Variants in SNAP91 observed in about 807,000 individuals in gnomAD.
SNAP91 encodes synaptosome associated protein 91.
In SNAP91, 27 loss-of-function variants were observed where a neutral mutation model predicts 100.3. The ratio of observed to expected loss-of-function variants is 0.27; its 90% CI spans 0.20 to 0.37. The LOEUF (loss-of-function observed/expected upper bound fraction) is 0.37. Among genes scored for constraint, SNAP91 ranks in the 10% least tolerant of loss-of-function variants. SNAP91 has a pLI of 1.00. For missense variants in SNAP91, 986 were observed against 1,123.7 expected, an observed-to-expected ratio of 0.88 and a Z score of 1.75; for synonymous variants, 404 against 398.6, an observed-to-expected ratio of 1.01 and a Z score of -0.16.
chr6:83,588,345 G>A (rs1423568310), intron 22 of SNAP91, among the ~76,000 whole-genome samples: 1 of 152,170 alleles, frequency 6.6e-6, no homozygotes, highest in Admixed American at 6.5e-5. Flanking sequence ...CACTGAAAGA[G>A]TCACAAGAAG....
intron 11 of SNAP91, chr6:83,611,448 C>G: frequency 2.2e-6 from 1 of 455,996 alleles, no homozygotes; most frequent in Non-Finnish European, 4.4e-6. Context: ...ATTTTACTAA[C>G]TTCAGTTAGT....
chr6:83,697,337 C>CAA (rs1308837612), intron 2 of SNAP91, among the ~76,000 whole-genome samples: 1 of 147,808 alleles, frequency 6.8e-6, no homozygotes, highest in Non-Finnish European at 1.5e-5. Context: ...CACACACACA[C>CAA]ACACACACAC....
At chr6:83,560,973 T>C (rs764292979) in intron 26 of SNAP91, 26 bp from the exon 27 acceptor site, 7 of 1,482,602 alleles carry the variant, frequency 4.7e-6, no homozygotes, top group Middle Eastern at 3.5e-4. Flanking sequence ...GACATACACA[T>C]ATAAATAACA....
In SNAP91 at chr6:83,659,023, T is replaced by C. The variant is rs2098472738; in HGVS notation, c.522A>G (p.Gln174=). The stretch of plus-strand genomic sequence containing the variant: ...CATCAAATTCAAGCAGTGCATCAAT[T>C]TGTCCCTGTAGTATTGGCATACTCT... ...LLKSMPILQG[Q]IDALLEFDVH... The change falls in exon 6 of 30, where the codon CAA becomes CAG. Residue 174 remains glutamine (Q), a synonymous_variant. Transcript: ENST00000369694. 1.2e-6 allele frequency: 2 copies of C among 1,607,414 alleles called. No individual in the cohort carries two copies. Among genetic ancestry groups the C allele is most frequent in the Middle Eastern group, 1.7e-4 (1 of 6,050 alleles).
At chr6:83,574,265 A>C (rs1401853743) in intron 26 of SNAP91, among the ~76,000 whole-genome samples, 1 of 152,188 alleles carries the variant, frequency 6.6e-6, no homozygotes, top group Non-Finnish European at 1.5e-5. Context: ...GCATATAGAA[A>C]AATTATACAG....
At chr6:83,623,016 C>G (rs1263751651) in intron 9 of SNAP91, among the ~76,000 whole-genome samples, 1 of 152,064 alleles carries the variant, frequency 6.6e-6, no homozygotes, top group Non-Finnish European at 1.5e-5. Context: ...TAACATTATT[C>G]AAGGTTTCCT....
intron 11 of SNAP91, among the ~76,000 whole-genome samples, chr6:83,612,894 C>CAAA (rs11451494): frequency 0.16 from 15,024 of 93,646 alleles, 1,725 homozygotes; most frequent in Non-Finnish European, 0.21. Flanking sequence ...GACTCAGTCT[C>CAAA]AAAAAAAAAA....
intron 7 of SNAP91, among the ~76,000 whole-genome samples, chr6:83,650,776 A>C (rs577825810): frequency 7.4e-4 from 113 of 152,320 alleles, no homozygotes; most frequent in Non-Finnish European, 1.3e-3. Flanking sequence ...GGCCTCATAA[A>C]AGGAGTTAAG....
Position 83,576,011 on chromosome 6 carries a change from C to T in SNAP91, c.2330+12G>A. 1.4e-6 allele frequency: 2 copies of T among 1,391,896 alleles called. No homozygotes were observed. The highest frequency in any genetic ancestry group is 2.0e-6 in the Non-Finnish European group (2 of 1,020,620). The allele number at this position is 1,391,896 out of a possible 1,614,324, so 86.2% of individuals were successfully genotyped here. A position where few individuals can be genotyped will look rare whatever the true frequency, so the allele number is the denominator to read the frequency against. On this transcript the variant is annotated intron_variant, in intron 25 of 29. Transcript: ENST00000369694. ...CCATCAAAAGGAAATCACATAATTT[C>T]CAAACACTTACTTTTTTGTTGTGGT...
intron 9 of SNAP91, among the ~76,000 whole-genome samples, chr6:83,619,819 C>T (rs1276184436): frequency 6.6e-6 from 1 of 151,880 alleles, no homozygotes; most frequent in Non-Finnish European, 1.5e-5. Context: ...GATTGTGAGC[C>T]CAGGCTCCAA....
chr6:83,676,972 A>C (rs946670621), intron 2 of SNAP91, among the ~76,000 whole-genome samples: 1 of 152,186 alleles, frequency 6.6e-6, no homozygotes, highest in African/African-American at 2.4e-5. Flanking sequence ...GACATTAGAT[A>C]CCAAAAGGAA....
chr6:83,667,942 G>A (rs1740088086), intron 2 of SNAP91, among the ~76,000 whole-genome samples: 1 of 152,058 alleles, frequency 6.6e-6, no homozygotes, highest in Non-Finnish European at 1.5e-5. Context: ...CTGACAAAGG[G>A]CTAATATCCA....
intron 16 of SNAP91, among the ~76,000 whole-genome samples, chr6:83,600,205 G>A (rs1256557328): frequency 6.6e-6 from 1 of 152,164 alleles, no homozygotes; most frequent in African/African-American, 2.4e-5. Flanking sequence ...TGCAGCAGTG[G>A]CAACAAAGCT....
rs75151962 is a variant in SNAP91, at chr6:83,658,910, C to T, written c.546+89G>A. 1.1e-3 allele frequency: 1,063 copies of T among 951,380 alleles called. 7 individuals are homozygous for T. In the African/African-American group the frequency reaches 0.016, roughly 14 times the overall value. 58.9% of individuals were successfully genotyped at this position (951,380 alleles called of 1,614,324 possible). A position where few individuals can be genotyped will look rare whatever the true frequency, so the allele number is the denominator to read the frequency against. ...TAAATGAAGATCTATAGCTGCTTCC[C>T]GAGGAAATCTTTGGATTTACCTGTA... On this transcript the variant is annotated intron_variant, in intron 6 of 29. Coordinates refer to ENST00000369694, the MANE Select transcript of SNAP91 (RefSeq NM_001242792.2).
At chr6:83,675,167 C>A (rs1340170480) in intron 2 of SNAP91, among the ~76,000 whole-genome samples, 1 of 152,152 alleles carries the variant, frequency 6.6e-6, no homozygotes. Flanking sequence ...AGAATAGACA[C>A]CCTCTAAGCT....
chr6:83,650,329 G>A (rs2098142646), intron 7 of SNAP91, among the ~76,000 whole-genome samples: 2 of 152,294 alleles, frequency 1.3e-5, no homozygotes, highest in Admixed American at 1.3e-4. Context: ...AGAAGGCTAG[G>A]AGACTGAATG....
At chr6:83,570,710 C>A (rs1004658296) in intron 26 of SNAP91, among the ~76,000 whole-genome samples, 2 of 152,174 alleles carry the variant, frequency 1.3e-5, no homozygotes, top group African/African-American at 4.8e-5. Flanking sequence ...AGTCCCAAAC[C>A]TTGGCAGCTT....
At chr6:83,699,484 A>C (rs932419589) in intron 2 of SNAP91, among the ~76,000 whole-genome samples, 1 of 152,204 alleles carries the variant, frequency 6.6e-6, no homozygotes, top group African/African-American at 2.4e-5. Context: ...AAAACAAATC[A>C]TGCTGAACAG....
chr6:83,565,546 G>A (rs1173556241), intron 26 of SNAP91, among the ~76,000 whole-genome samples: 2 of 152,050 alleles, frequency 1.3e-5, no homozygotes, highest in African/African-American at 2.4e-5. Context: ...AATAACTTCT[G>A]TTTGTTTTAT....
Sources: gnomAD v4.1 joint callset for allele counts (sites outside exome capture counted in the v4.1 genomes callset) on GRCh38, gnomAD v4.1.1 for gene constraint, MANE v1.5 for transcripts, NCBI Gene and HGNC (gene_info 2026-07-23, HGNC 2026-07-21) for gene names.